Variants in PARP14 observed in about 807,000 individuals in gnomAD.
PARP14 encodes poly(ADP-ribose) polymerase family member 14, also known as protein mono-ADP-ribosyltransferase PARP14.
In PARP14, 59 loss-of-function variants were observed where a neutral mutation model predicts 154.2. The ratio of observed to expected loss-of-function variants is 0.38; its 90% CI spans 0.31 to 0.48. PARP14 has a LOEUF of 0.48. Among genes scored for constraint, PARP14 ranks in the 20% least tolerant of loss-of-function variants. The probability of loss-of-function intolerance (pLI) is 0.98; values close to 1 mark genes in which losing one functional copy is unlikely to be tolerated. For synonymous variants in PARP14, 720 were observed against 780.5 expected (o/e 0.92, Z 1.29); for missense variants, 1,734 against 2,131.6 (o/e 0.81, Z 3.67).
intron 15 of PARP14, among the ~76,000 whole-genome samples, chr3:122,724,923 C>T (rs1305733025): frequency 6.6e-6 from 1 of 152,080 alleles, no homozygotes; most frequent in Non-Finnish European, 1.5e-5. Context: ...TCCATTTAAC[C>T]CTGAGTTGAC....
chr3:122,720,999 T>A (rs1020096146), intron 15 of PARP14: 2 of 323,010 alleles, frequency 6.2e-6, no homozygotes, highest in Non-Finnish European at 1.2e-5. Context: ...TTTTTGATAT[T>A]GCTGTTTGAA....
At position 122,700,812 on chromosome 3, in the gene PARP14, TC is replaced by T; in HGVS notation, c.2259del (p.Phe754SerfsTer27). On this transcript the variant is annotated frameshift_variant, in exon 6 of 17. Transcript: ENST00000474629. LOFTEE classifies it high-confidence loss of function. Reference sequence around the variant, plus strand: ...ACTGATAAGCCAGGAGCCAAGCAGTTCTTCCAGGATAAAGCACGGTTTTATC... The same window carrying T: ...ACTGATAAGCCAGGAGCCAAGCAGTTTTCCAGGATAAAGCACGGTTTTATC... The part of the protein sequence containing the change: ...VHTDKPGAKQ[F>X]FQDKARFYQS... 1 of 1,613,910 alleles carries T rather than the reference TC, an allele frequency of 6.2e-7. No homozygotes were observed. Among genetic ancestry groups the T allele is most frequent in the Non-Finnish European group, 8.5e-7 (1 of 1,179,820 alleles).
At chr3:122,728,028 G>T (rs774208277) in intron 16 of PARP14, 42 bp downstream of exon 16, 3 of 1,556,858 alleles carry the variant, frequency 1.9e-6, no homozygotes, top group African/African-American at 1.4e-5. Context: ...TGAGGCATCA[G>T]CCATGAGAGC....
chr3:122,703,945 G>A lies in PARP14; in HGVS notation c.3285G>A (p.Pro1095=), dbSNP rs763308654. Reference sequence around the variant, plus strand: ...GCTATGTGCTTCACGTGGTAGCTCCGGAGTGGAGAAATGGTAGCACATCTT... The same window carrying A: ...GCTATGTGCTTCACGTGGTAGCTCCAGAGTGGAGAAATGGTAGCACATCTT... ...DCRYVLHVVA[P]EWRNGSTSSL... is the part of the protein sequence containing the mutation. The change falls in exon 7 of 17, where the codon CCG becomes CCA. Residue 1095 remains proline, a synonymous_variant. Transcript: ENST00000474629. The A allele has an allele frequency of 3.0e-5, 49 of 1,613,736 alleles. No individual in the cohort carries two copies. Among genetic ancestry groups the A allele is most frequent in the Non-Finnish European group, 3.5e-5 (41 of 1,179,788 alleles).
At chr3:122,687,000 C>A in intron 2 of PARP14, 80 bp from the exon 3 acceptor site, 1 of 969,712 alleles carries the variant, frequency 1.0e-6, no homozygotes, top group Non-Finnish European at 1.6e-6. Flanking sequence ...CCTCCATCTC[C>A]AGGCTGGTCC....
intron 9 of PARP14, among the ~76,000 whole-genome samples, chr3:122,710,132 C>G (rs563741710): frequency 6.6e-6 from 1 of 151,958 alleles, no homozygotes; most frequent in Non-Finnish European, 1.5e-5. Flanking sequence ...AATTCTTTGC[C>G]TAAGTCAATG....
intron 4 of PARP14, among the ~76,000 whole-genome samples, chr3:122,693,808 T>A (rs1041632963): frequency 6.8e-6 from 1 of 146,392 alleles, no homozygotes; most frequent in African/African-American, 2.6e-5. Flanking sequence ...GCCACTGCAC[T>A]CCAGCCTGGG....
intron 1 of PARP14, among the ~76,000 whole-genome samples, chr3:122,682,182 G>A (rs781174347): frequency 6.6e-6 from 1 of 152,198 alleles, no homozygotes; most frequent in African/African-American, 2.4e-5. Flanking sequence ...ACCAAGGAGT[G>A]CTCAGAAGGG....
intron 2 of PARP14, among the ~76,000 whole-genome samples, chr3:122,685,971 C>T (rs911844471): frequency 3.3e-5 from 5 of 152,044 alleles, no homozygotes; most frequent in African/African-American, 9.7e-5. Context: ...TTTGAGGAGA[C>T]AGCAATCCAT....
At chr3:122,720,199 A>G (rs1933127688) in intron 14 of PARP14, 56 bp from the exon 15 acceptor site, 2 of 1,547,274 alleles carry the variant, frequency 1.3e-6, no homozygotes, top group East Asian at 2.3e-5. Flanking sequence ...CAGATACTAA[A>G]TGTTCCAGAG....
At chr3:122,683,278 C>T (rs1393274928) in intron 1 of PARP14, 1 of 984,300 alleles carries the variant, frequency 1.0e-6, no homozygotes, top group Non-Finnish European at 1.2e-6. Flanking sequence ...ACTCTCCACC[C>T]TCCATGCCAG....
intron 3 of PARP14, among the ~76,000 whole-genome samples, chr3:122,688,662 G>T (rs1449511973): frequency 6.6e-6 from 1 of 152,208 alleles, no homozygotes; most frequent in East Asian, 1.9e-4. Flanking sequence ...GAATGGGGTA[G>T]ACAGTTTCAG....
intron 3 of PARP14, 90 bp from the exon 4 acceptor site, chr3:122,692,211 G>C: frequency 9.5e-7 from 1 of 1,058,172 alleles, no homozygotes. Context: ...TTGGCAAGGA[G>C]AGAGGGCAGT....
intron 5 of PARP14, 48 bp from the exon 6 acceptor site, chr3:122,699,342 G>T: frequency 7.9e-6 from 9 of 1,132,776 alleles, no homozygotes; most frequent in South Asian, 3.6e-5. Flanking sequence ...GTTTTTATTT[G>T]CCATATATCA....
intron 3 of PARP14, among the ~76,000 whole-genome samples, chr3:122,691,956 A>G (rs1322099276): frequency 6.6e-6 from 1 of 152,196 alleles, no homozygotes; most frequent in African/African-American, 2.4e-5. Context: ...TCTTATCACT[A>G]ATAATTTTGG....
At position 122,700,847 on chromosome 3, in the gene PARP14, A is replaced by T; in HGVS notation, c.2293A>T (p.Ile765Phe). 6.2e-7 allele frequency: 1 copy of T among 1,614,036 alleles called. No individual in the cohort carries two copies. Among genetic ancestry groups the T allele is most frequent in the Non-Finnish European group, 8.5e-7 (1 of 1,179,894 alleles). Residue 765 changes from isoleucine to phenylalanine, a missense_variant, in exon 6 of 17, where the codon ATC becomes TTC. Ile to Phe is a conservative substitution (Grantham distance 21). Coordinates refer to ENST00000474629, the MANE Select transcript of PARP14 (RefSeq NM_017554.3). ...QDKARFYQSE[I>F]KRLFGCYIEL... ...TAAAGCACGGTTTTATCAAAGTGAG[A>T]TCAAACGGTTGTTTGGTTGTTACAT... is the stretch of plus-strand genomic sequence containing the variant.
intron 15 of PARP14, chr3:122,720,599 T>C: frequency 1.6e-6 from 1 of 607,494 alleles, no homozygotes; most frequent in Non-Finnish European, 3.0e-6. Context: ...TATTTGATTG[T>C]AATATGATAG....
At chr3:122,693,997 C>T (rs984229323) in intron 4 of PARP14, among the ~76,000 whole-genome samples, 4 of 152,154 alleles carry the variant, frequency 2.6e-5, no homozygotes, top group Non-Finnish European at 5.9e-5. Context: ...TTTTGTTCAT[C>T]GATCAGAATC....
At position 122,692,352 on chromosome 3, in the gene PARP14, A is replaced by G; in HGVS notation, c.407A>G (p.Lys136Arg). The change falls in exon 4 of 17, where the codon AAA (lysine) becomes AGA (arginine). Residue 136 changes from lysine to arginine, a missense_variant. By Grantham distance (26) the Lys-to-Arg change is conservative. Transcript: ENST00000474629. The stretch of plus-strand genomic sequence containing the variant: ...CTCCCTCTTGATGGTGGATTAGACA[A>G]AATGGAAGATATCCCAGAGGAATGT... ...TKLPLDGGLD[K>R]MEDIPEECEN... The G allele has an allele frequency of 6.2e-7, 1 of 1,613,494 alleles. No individual in the cohort carries two copies. The highest frequency in any genetic ancestry group is 8.5e-7 in the Non-Finnish European group (1 of 1,179,450).
Sources: allele counts gnomAD v4.1 joint callset (sites outside exome capture counted in the v4.1 genomes callset), GRCh38; gene constraint gnomAD v4.1.1; transcripts MANE v1.5; gene names NCBI Gene and HGNC (gene_info 2026-07-23, HGNC 2026-07-21).